CRTAC1: variants seen among roughly 807,000 people sequenced by gnomAD.
CRTAC1 encodes the protein cartilage acidic protein 1.
CRTAC1 carries 37 observed loss-of-function variants against 67.8 expected under a neutral mutation model. That is an observed-to-expected ratio of 0.55 (90% CI 0.42 to 0.72). The LOEUF (loss-of-function observed/expected upper bound fraction) is 0.72. Among genes scored for constraint, CRTAC1 ranks in the 30% least tolerant of loss-of-function variants. The pLI, the probability that CRTAC1 is intolerant of heterozygous loss-of-function variation, is 0.00. For synonymous variants in CRTAC1, 348 were observed against 371.0 expected (o/e 0.94, Z 0.71); for missense variants, 780 against 931.6 (o/e 0.84, Z 2.12).
chr10:97,865,614 C>G lies in CRTAC1; in HGVS notation c.1920G>C (p.Pro640=), dbSNP rs747412494. 2.5e-6 allele frequency: 4 copies of G among 1,613,384 alleles called. No individual in the cohort carries two copies. In the Admixed American group the frequency reaches 5.0e-5, roughly 20 times the overall value. The change falls in exon 15 of 15, where the codon CCG becomes CCC. Residue 640 remains proline, a synonymous_variant. Coordinates refer to ENST00000370597, the MANE Select transcript of CRTAC1 (RefSeq NM_018058.7). The part of the protein sequence containing the change: ...AAAAGAATAA[P]VLVDGDLNLG... ...GATTGAGATCTCCATCTACGAGGAC[C>G]GGTGCAGCAGTGGCAGCTCCAGCAG...
intron 5 of CRTAC1, among the ~76,000 whole-genome samples, chr10:97,917,126 G>A (rs1309120867): frequency 1.3e-5 from 2 of 152,142 alleles, no homozygotes; most frequent in Admixed American, 6.5e-5. Context: ...TTTAAATCTC[G>A]GCTTTTGTGA....
intron 14 of CRTAC1, among the ~76,000 whole-genome samples, chr10:97,872,599 T>TACTGTGAGTGAATC (rs1358368227): frequency 1.3e-5 from 2 of 152,176 alleles, no homozygotes; most frequent in African/African-American, 4.8e-5. Flanking sequence ...GAGAGTGAAT[T>TACTGTGAGTGAATC]ACTGTGAGTG....
At chr10:98,002,191 T>C (rs1396817832) in intron 2 of CRTAC1, among the ~76,000 whole-genome samples, 1 of 152,236 alleles carries the variant, frequency 6.6e-6, no homozygotes, top group Non-Finnish European at 1.5e-5. Flanking sequence ...ATACGTCTAC[T>C]TTCCAAATGG....
intron 2 of CRTAC1, among the ~76,000 whole-genome samples, chr10:98,009,842 G>T (rs1842872848): frequency 6.6e-6 from 1 of 152,122 alleles, no homozygotes; most frequent in East Asian, 1.9e-4. Context: ...AAGCCTTGGG[G>T]TTCAGATCCC....
chr10:97,909,272 C>G (rs1007362111), intron 5 of CRTAC1, among the ~76,000 whole-genome samples: 1 of 152,024 alleles, frequency 6.6e-6, no homozygotes, highest in African/African-American at 2.4e-5. Flanking sequence ...CCCAGGAACA[C>G]AAATCTGCCC....
intron 3 of CRTAC1, among the ~76,000 whole-genome samples, chr10:97,927,725 G>T (rs574106369): frequency 5.3e-4 from 80 of 152,376 alleles, no homozygotes; most frequent in Non-Finnish European, 2.2e-4. Context: ...CCTTCTGCAG[G>T]CAGAGGCCCG....
At chr10:97,910,918 G>A (rs1414261277) in intron 5 of CRTAC1, among the ~76,000 whole-genome samples, 1 of 152,202 alleles carries the variant, frequency 6.6e-6, no homozygotes, top group Non-Finnish European at 1.5e-5. Context: ...TGAAAATGAA[G>A]CCACTGAATT....
intron 1 of CRTAC1, among the ~76,000 whole-genome samples, chr10:98,025,996 T>C (rs1465422790): frequency 6.6e-6 from 1 of 152,218 alleles, no homozygotes; most frequent in East Asian, 1.9e-4. Flanking sequence ...GCCCAGATAT[T>C]GCTGTGAGCA....
rs1163316677 is a variant in CRTAC1 at position 97,884,311 on chromosome 10, A to G, written c.1527T>C (p.Asp509=). 6 of 1,552,656 alleles carry G rather than the reference A, an allele frequency of 3.9e-6. No homozygotes were observed. The highest frequency in any genetic ancestry group is 1.4e-5 in the African/African-American group (1 of 73,122). ...EASSVEVTWP[D]GKMVSRNVAS... ...CCACGTTCCGGCTCACCATCTTGCC[A>G]TCTGGCCACGTCACCTCCACACTGC... The change falls in exon 12 of 15, where the codon GAT becomes GAC. Residue 509 remains aspartate (D), a synonymous_variant. Coordinates refer to ENST00000370597, the MANE Select transcript of CRTAC1 (RefSeq NM_018058.7).
At chr10:97,879,434 G>T (rs1382087795) in intron 14 of CRTAC1, among the ~76,000 whole-genome samples, 1 of 152,182 alleles carries the variant, frequency 6.6e-6, no homozygotes, top group Admixed American at 6.5e-5. Context: ...AGGGAGACTG[G>T]ATGGGGTATT....
rs1295499691 is a variant in CRTAC1 at position 98,029,716 on chromosome 10, A to C, written c.24+733T>G. Among the ~76,000 whole-genome samples the C allele has an allele frequency of 6.6e-6, 1 of 152,308 alleles. No homozygotes were observed. Among genetic ancestry groups the C allele is most frequent in the African/African-American group, 2.4e-5 (1 of 41,568 alleles). On this transcript the variant is annotated intron_variant, in intron 1 of 14. Transcript: ENST00000370597. The surrounding 1 kb of genome is among the most constrained non-coding windows in gnomAD (Gnocchi z 4.7). ...ACTGTACTGCAAAGAAGCGCGCTGC[A>C]TTGCTGGGCATGCCCCCAAGCCCGG...
At chr10:97,887,273 C>A (rs1308437206) in intron 11 of CRTAC1, among the ~76,000 whole-genome samples, 1 of 133,894 alleles carries the variant, frequency 7.5e-6, no homozygotes, top group East Asian at 2.1e-4. Context: ...TGGAGTTTTG[C>A]TCTTGTTGCC....
chr10:98,024,051 G>T (rs1843174554), intron 1 of CRTAC1, among the ~76,000 whole-genome samples: 1 of 152,202 alleles, frequency 6.6e-6, no homozygotes, highest in African/African-American at 2.4e-5. Flanking sequence ...TTTAAGACAG[G>T]TCTACATCAA....
intron 2 of CRTAC1, among the ~76,000 whole-genome samples, chr10:98,004,788 T>C (rs1393440635): frequency 6.6e-6 from 1 of 152,030 alleles, no homozygotes; most frequent in Non-Finnish European, 1.5e-5. Flanking sequence ...TATGTATCAG[T>C]GTGATTTCTC....
At chr10:97,876,377 G>A (rs1467114591) in intron 14 of CRTAC1, among the ~76,000 whole-genome samples, 1 of 152,214 alleles carries the variant, frequency 6.6e-6, no homozygotes, top group Non-Finnish European at 1.5e-5. Flanking sequence ...GACACGCCAA[G>A]CCCACTAAAT....
intron 2 of CRTAC1, among the ~76,000 whole-genome samples, chr10:97,980,376 AG>A (rs937988344): frequency 6.6e-6 from 1 of 152,238 alleles, no homozygotes; most frequent in African/African-American, 2.4e-5. Context: ...CATTTAAATC[AG>A]GGAGATGTCT....
intron 3 of CRTAC1, among the ~76,000 whole-genome samples, chr10:97,924,196 G>A (rs1301628008): frequency 6.6e-6 from 1 of 152,158 alleles, no homozygotes; most frequent in Non-Finnish European, 1.5e-5. Context: ...GGGAATAACT[G>A]CTGGTTGCTG....
chr10:97,989,607 T>C lies in CRTAC1; in HGVS notation c.224+21531A>G, dbSNP rs75877034. Among the ~76,000 whole-genome samples the C allele has an allele frequency of 2.0e-3, 302 of 152,384 alleles. 6 individuals carry two copies. In the East Asian group the frequency reaches 0.05, roughly 25 times the overall value. On this transcript the variant is annotated intron_variant, in intron 2 of 14. Coordinates refer to ENST00000370597, the MANE Select transcript of CRTAC1 (RefSeq NM_018058.7). ...TATCTTGTGGGACCACCATTGTACA[T>C]GTGGTTCACCTTTGGCCAAAATGTT...
At chr10:97,925,436 A>T (rs1415082485) in intron 3 of CRTAC1, among the ~76,000 whole-genome samples, 1 of 151,568 alleles carries the variant, frequency 6.6e-6, no homozygotes, top group Non-Finnish European at 1.5e-5. Flanking sequence ...CGAGAGTAAG[A>T]GTGTGTCAGA....
Sources: allele counts gnomAD v4.1 joint callset (sites outside exome capture counted in the v4.1 genomes callset), GRCh38; gene constraint gnomAD v4.1.1; non-coding constraint Gnocchi (gnomAD v3.1); transcripts MANE v1.5; gene names NCBI Gene and HGNC (gene_info 2026-07-23, HGNC 2026-07-21).